The following WDR19 variants were observed in gnomAD, a reference collection of about 807,000 sequenced individuals.
WDR19 encodes the protein WD repeat-containing protein 19.
Under a neutral mutation model 180.0 loss-of-function variants are expected in WDR19, and 121 were observed. The observed-to-expected ratio is 0.67, with a 90% CI of 0.58 to 0.78. The LOEUF is 0.78. WDR19 is among the 30% of genes least tolerant of loss of function. WDR19 has a pLI of 0.00. For missense variants in WDR19, 1,450 were observed against 1,640.7 expected (o/e 0.88, Z 2.01); for synonymous variants, 497 against 540.7 (o/e 0.92, Z 1.12).
chr4:39,186,699 T>G, intron 3 of WDR19, 95 bp downstream of exon 3: 1 of 838,956 alleles, frequency 1.2e-6, no homozygotes, highest in Non-Finnish European at 1.8e-6. Flanking sequence ...GATGGAATCT[T>G]TTGCTTCTTC....
intron 1 of WDR19, 138 bp downstream of exon 1, chr4:39,182,701 CAG>C (rs1725066746): frequency 7.5e-7 from 1 of 1,329,668 alleles, no homozygotes; most frequent in Non-Finnish European, 1.0e-6. Flanking sequence ...GAGAGGTGGC[CAG>C]AGAGAGCGGG....
At chr4:39,185,466 T>C (rs1725414261) in intron 1 of WDR19, among the ~76,000 whole-genome samples, 1 of 152,178 alleles carries the variant, frequency 6.6e-6, no homozygotes, top group Non-Finnish European at 1.5e-5. Context: ...TTCAGAAACA[T>C]TAAAAAGCCA....
intron 6 of WDR19, among the ~76,000 whole-genome samples, chr4:39,199,800 C>T (rs886304515): frequency 1.2e-4 from 19 of 152,124 alleles, no homozygotes; most frequent in African/African-American, 4.6e-4. Flanking sequence ...AAATATCCTC[C>T]TTTGTATATT....
At chr4:39,278,961 AT>A (rs397933179) in intron 36 of WDR19, among the ~76,000 whole-genome samples, 62 of 151,348 alleles carry the variant, frequency 4.1e-4, no homozygotes, top group African/African-American at 1.2e-3. Context: ...TAATAAAAGT[AT>A]TTTTTTTTAG....
At chr4:39,208,909 C>A (rs918171190) in intron 9 of WDR19, among the ~76,000 whole-genome samples, 1 of 152,032 alleles carries the variant, frequency 6.6e-6, no homozygotes, top group Non-Finnish European at 1.5e-5. Context: ...ACAGAGGGAT[C>A]CTGGAACCCA....
At chr4:39,234,986 A>AG in intron 20 of WDR19, 111 bp downstream of exon 20, 1 of 653,274 alleles carries the variant, frequency 1.5e-6, no homozygotes, top group South Asian at 2.0e-5. Context: ...ATTTTTTTAG[A>AG]GAAAAAATAC....
At chr4:39,254,149 C>A in intron 26 of WDR19, 119 bp downstream of exon 26, 5 of 965,992 alleles carry the variant, frequency 5.2e-6, no homozygotes, top group Non-Finnish European at 5.7e-6. Flanking sequence ...TAAATGTTTA[C>A]CATTTATACA....
intron 32 of WDR19, chr4:39,273,338 G>A (rs778217676): frequency 2.4e-4 from 103 of 422,294 alleles, no homozygotes; most frequent in Non-Finnish European, 3.2e-4. Context: ...GCAAAGGCGA[G>A]CAGGTGCAGG....
intron 28 of WDR19, among the ~76,000 whole-genome samples, chr4:39,263,795 A>G (rs191573887): frequency 6.6e-6 from 1 of 152,146 alleles, no homozygotes; most frequent in African/African-American, 2.4e-5. Flanking sequence ...GTGGTGGCAT[A>G]TGCCTGTAAT....
chr4:39,237,496 G>A (rs1731499388), intron 20 of WDR19, among the ~76,000 whole-genome samples: 1 of 152,100 alleles, frequency 6.6e-6, no homozygotes. Context: ...AGCCCAGAAG[G>A]TTGAGGCTGC....
intron 28 of WDR19, among the ~76,000 whole-genome samples, chr4:39,264,417 G>C (rs1333977676): frequency 6.6e-6 from 1 of 152,174 alleles, no homozygotes. Flanking sequence ...TTTTTCCCCT[G>C]ACGATGACCA....
Position 39,278,591 on chromosome 4 carries a change from G to A in WDR19, c.3970G>A (p.Ala1324Thr), listed in dbSNP as rs1243272786. ...TATGTGTTCAGAAAGATTAAACGCT[G>A]CTCAGCTGAAAAAGATTTCAGACTG... ...CPMCSERLNA[A>T]QLKKISDCTQ... The change falls in exon 36 of 37, where the codon GCT becomes ACT. Residue 1324 changes from alanine (A) to threonine (T), a missense_variant. Ala to Thr is a moderately conservative substitution (Grantham distance 58, BLOSUM62 0). Coordinates refer to ENST00000399820, the MANE Select transcript of WDR19 (RefSeq NM_025132.4). 3.1e-6 allele frequency: 5 copies of A among 1,613,420 alleles called. No homozygotes were observed. Among genetic ancestry groups the A allele is most frequent in the African/African-American group, 2.7e-5 (2 of 74,910 alleles).
At chr4:39,194,332 A>G (rs12498947) in intron 4 of WDR19, among the ~76,000 whole-genome samples, 34 of 152,364 alleles carry the variant, frequency 2.2e-4, no homozygotes, top group Admixed American at 2.2e-3. Context: ...CATTCATTAT[A>G]CTTTTGTATT....
At chr4:39,183,790 T>A (rs1217792687) in intron 1 of WDR19, among the ~76,000 whole-genome samples, 1 of 152,138 alleles carries the variant, frequency 6.6e-6, no homozygotes, top group Non-Finnish European at 1.5e-5. Context: ...CAAACAAAAT[T>A]TAAGTCTTGG....
At chr4:39,233,063 T>G (rs1731040936) in intron 19 of WDR19, among the ~76,000 whole-genome samples, 1 of 152,204 alleles carries the variant, frequency 6.6e-6, no homozygotes, top group Non-Finnish European at 1.5e-5. Flanking sequence ...TATCATGTAT[T>G]AATTCATTTA....
chr4:39,266,812 G>A (rs534159781), intron 29 of WDR19, among the ~76,000 whole-genome samples: 4 of 152,330 alleles, frequency 2.6e-5, no homozygotes, highest in South Asian at 4.1e-4. Context: ...GGCCAGGCGC[G>A]GTGTCTCATG....
intron 36 of WDR19, among the ~76,000 whole-genome samples, chr4:39,280,141 T>TTTTTTTTTTA (rs368949539): frequency 0.015 from 1,295 of 88,190 alleles, 208 homozygotes; most frequent in Middle Eastern, 0.026. Context: ...TTTTTTTTTT[T>TTTTTTTTTTA]AATAGAGGCA....
intron 30 of WDR19, among the ~76,000 whole-genome samples, chr4:39,269,403 G>A (rs769923540): frequency 2.0e-5 from 3 of 152,170 alleles, no homozygotes; most frequent in Non-Finnish European, 4.4e-5. Context: ...AAGGGAGGCT[G>A]GAATTGGGAG....
At chr4:39,219,240 A>C (rs1050229041) in intron 14 of WDR19, 1 of 152,262 alleles carries the variant, frequency 6.6e-6, no homozygotes, top group African/African-American at 2.4e-5. Context: ...ATACTTTTAT[A>C]TAACTGGCAG....
Sources: gnomAD v4.1 joint callset for allele counts (sites outside exome capture counted in the v4.1 genomes callset) on GRCh38, gnomAD v4.1.1 for gene constraint, MANE v1.5 for transcripts, NCBI Gene and HGNC (gene_info 2026-07-23, HGNC 2026-07-21) for gene names.